KCNC4: variants seen among roughly 807,000 people sequenced by gnomAD.
The protein encoded by KCNC4 is potassium voltage-gated channel subfamily C member 4.
In KCNC4, 23 loss-of-function variants were observed where a neutral mutation model predicts 42.8. The ratio of observed to expected loss-of-function variants is 0.54; its 90% CI spans 0.39 to 0.76. The LOEUF (loss-of-function observed/expected upper bound fraction) is 0.76. Among genes scored for constraint, KCNC4 ranks in the 30% least tolerant of loss-of-function variants. KCNC4 has a pLI of 0.00. For missense variants in KCNC4, 751 were observed against 898.2 expected, an observed-to-expected ratio of 0.84 and a Z score of 2.10; for synonymous variants, 422 against 393.5, an observed-to-expected ratio of 1.07 and a Z score of -0.86.
chr1:110,244,856 T>G (rs1385753292), exon 4 of KCNC4: 2 of 152,244 alleles, frequency 1.3e-5, no homozygotes, highest in Non-Finnish European at 2.9e-5. Context: ...TTTGGCAACT[T>G]GCTTAACTTG....
intron 1 of KCNC4, among the ~76,000 whole-genome samples, chr1:110,275,037 G>T (rs768189748): frequency 4.0e-5 from 6 of 151,842 alleles, no homozygotes; most frequent in African/African-American, 1.2e-4. Flanking sequence ...ATGTTTCTGC[G>T]CAGCAAAAGA....
At chr1:110,213,587 T>TACC (rs775660217) in intron 1 of KCNC4, among the ~76,000 whole-genome samples, 3 of 152,202 alleles carry the variant, frequency 2.0e-5, no homozygotes, top group Non-Finnish European at 2.9e-5. Context: ...GGCCATGGCA[T>TACC]ACCGGGCTGG....
chr1:110,229,567 C>A (rs1290953856), intron 3 of KCNC4, among the ~76,000 whole-genome samples: 1 of 152,248 alleles, frequency 6.6e-6, no homozygotes, highest in East Asian at 1.9e-4. Context: ...CTCTGAGTCA[C>A]CTGCCATTCC....
intron 2 of KCNC4, chr1:110,282,685 G>A (rs1447913920): frequency 6.6e-6 from 1 of 152,260 alleles, no homozygotes; most frequent in Non-Finnish European, 1.5e-5. Context: ...CAGGGTAGAA[G>A]CACCTTCTTC....
chr1:110,245,676 C>T (rs1659131192), exon 4 of KCNC4: 2 of 152,232 alleles, frequency 1.3e-5, no homozygotes, highest in Admixed American at 6.5e-5. Context: ...ACACGCCCAA[C>T]AGAGTTGGCT....
chr1:110,250,131 C>G (rs1175787623), downstream of KCNC4, among the ~76,000 whole-genome samples: 1 of 152,200 alleles, frequency 6.6e-6, no homozygotes, highest in African/African-American at 2.4e-5. Context: ...ATATGGTTCC[C>G]AGACACAGCT....
At chr1:110,253,184 CT>C (rs954146017), downstream of KCNC4, among the ~76,000 whole-genome samples, 3 of 152,254 alleles carry the variant, frequency 2.0e-5, no homozygotes, top group African/African-American at 7.2e-5. Flanking sequence ...TGACCCCATG[CT>C]GATCATCCCT....
chr1:110,263,346 G>GT (rs10716289), intron 1 of KCNC4, among the ~76,000 whole-genome samples: 153 of 150,052 alleles, frequency 1.0e-3, no homozygotes, highest in African/African-American at 2.8e-3. Flanking sequence ...GAATTTAAGG[G>GT]TTTTTTTTTT....
chr1:110,252,289 A>G (rs1439722820), downstream of KCNC4, among the ~76,000 whole-genome samples: 1 of 152,198 alleles, frequency 6.6e-6, no homozygotes, highest in Non-Finnish European at 1.5e-5. Flanking sequence ...TTTTCTTTCC[A>G]ACCAAGAAAT....
chr1:110,253,455 C>T (rs1659277278), downstream of KCNC4, among the ~76,000 whole-genome samples: 1 of 152,240 alleles, frequency 6.6e-6, no homozygotes, highest in East Asian at 1.9e-4. Flanking sequence ...CAACCACAAA[C>T]AGAGTGTTGA....
chr1:110,229,760 C>CCCCACCTG (rs1248421542), intron 3 of KCNC4, among the ~76,000 whole-genome samples: 2 of 152,132 alleles, frequency 1.3e-5, no homozygotes, highest in Non-Finnish European at 2.9e-5. Flanking sequence ...GCCATCTTGC[C>CCCCACCTG]CCCACCTGCT....
intron 3 of KCNC4, among the ~76,000 whole-genome samples, chr1:110,226,695 C>T (rs1180107144): frequency 6.6e-6 from 1 of 152,220 alleles, no homozygotes; most frequent in Non-Finnish European, 1.5e-5. Flanking sequence ...CTTCCGTCTG[C>T]AAGCACCTAG....
At chr1:110,251,219 G>T (rs538334366), downstream of KCNC4, among the ~76,000 whole-genome samples, 2 of 152,190 alleles carry the variant, frequency 1.3e-5, no homozygotes, top group Admixed American at 1.3e-4. Flanking sequence ...CACAGGCCAC[G>T]AACGTTGTTA....
intron 1 of KCNC4, among the ~76,000 whole-genome samples, chr1:110,217,673 G>T (rs1046628684): frequency 3.9e-5 from 6 of 152,204 alleles, no homozygotes; most frequent in Non-Finnish European, 8.8e-5. Flanking sequence ...GGTGAGCATA[G>T]GTAGAGGTGG....
chr1:110,273,869 T>C (rs3904626), intron 1 of KCNC4, among the ~76,000 whole-genome samples: 44,166 of 152,100 alleles, frequency 0.29, 6,859 homozygotes, highest in Admixed American at 0.43. Context: ...GTCATCCAAA[T>C]TTCAGAGTCT....
chr1:110,225,068 C>G (rs1658312514), intron 2 of KCNC4: 2 of 152,266 alleles, frequency 1.3e-5, no homozygotes, highest in Non-Finnish European at 2.9e-5. Context: ...GCACTGCTTC[C>G]TAATTTGTGA....
At chr1:110,228,256 G>A (rs371882908) in intron 3 of KCNC4, among the ~76,000 whole-genome samples, 1 of 152,186 alleles carries the variant, frequency 6.6e-6, no homozygotes, top group Non-Finnish European at 1.5e-5. Context: ...GCTTCTTAGA[G>A]TCAAGAAGGC....
rs1208039645 is a variant in KCNC4, at chr1:110,210,366, G to A, written c.-1134G>A. Among the ~76,000 whole-genome samples, 4 of 151,642 alleles carry A rather than the reference G, an allele frequency of 2.6e-5. No individual in the cohort carries two copies. Among genetic ancestry groups the A allele is most frequent in the Non-Finnish European group, 2.9e-5 (2 of 67,840 alleles). On this transcript the variant is annotated 5_prime_UTR_variant, in exon 1 of 4. Coordinates refer to ENST00000438661, the MANE Select transcript of KCNC4 (RefSeq NM_001039574.3). Reference sequence around the variant, plus strand: ...CCGGAGGGAGACCATGAGCCCCTAGGGCCCCAGCCCACCGGCGCCGAGGCG... The same window carrying A: ...CCGGAGGGAGACCATGAGCCCCTAGAGCCCCAGCCCACCGGCGCCGAGGCG...
In KCNC4 at chr1:110,275,954, C is replaced by CAAAA. The variant is rs61372696; in HGVS notation, n.31-6565_31-6562dup. Among the ~76,000 whole-genome samples the CAAAA allele has an allele frequency of 7.2e-4, 76 of 106,222 alleles. 1 individual carries two copies. The East Asian group carries it at 0.012, about 17-fold the overall frequency. 69.7% of individuals were successfully genotyped at this position (106,222 alleles called of 152,430 possible). A position where few individuals can be genotyped will look rare whatever the true frequency, so the allele number is the denominator to read the frequency against. ...GCCTGGGTGAAAAGAGACTCCGCCT[C>CAAAA]AAAAAAAAAAAAAAAAAAGAAGAAT... On this transcript the variant is annotated intron_variant and non_coding_transcript_variant, in intron 1 of 2. Transcript: ENST00000412512.
Sources: gnomAD v4.1 joint callset for allele counts (sites outside exome capture counted in the v4.1 genomes callset) on GRCh38, gnomAD v4.1.1 for gene constraint, MANE v1.5 for transcripts, NCBI Gene and HGNC (gene_info 2026-07-23, HGNC 2026-07-21) for gene names.